LEP: variants seen among roughly 807,000 people sequenced by gnomAD.
LEP encodes the protein leptin.
A neutral mutation model predicts 9.8 loss-of-function variants in LEP; 6 were observed. The observed-to-expected ratio is 0.61, with a 90% CI of 0.34 to 1.21. The LOEUF is 1.21. Ranked by LOEUF, LEP falls within the 50% of genes most tolerant of loss-of-function variation. The probability of loss-of-function intolerance (pLI) is 0.04; values close to 1 mark genes in which losing one functional copy is unlikely to be tolerated. For missense variants in LEP, 134 were observed against 198.1 expected (o/e 0.68, Z 1.94); for synonymous variants, 112 against 81.7 (o/e 1.37, Z -2.00).
At chr7:128,242,265 A>G (rs951023513) in intron 1 of LEP, among the ~76,000 whole-genome samples, 16 of 152,190 alleles carry the variant, frequency 1.1e-4, no homozygotes, top group Non-Finnish European at 2.2e-4. Context: ...AGGTGGGTGA[A>G]GAGCAGAGAC....
chr7:128,245,324 G>A (rs1306927084), intron 1 of LEP, among the ~76,000 whole-genome samples: 1 of 152,084 alleles, frequency 6.6e-6, no homozygotes, highest in Non-Finnish European at 1.5e-5. Flanking sequence ...CCCATCCCCG[G>A]AGTCCCTCTT....
chr7:128,241,971 G>T (rs1156662487), intron 1 of LEP, among the ~76,000 whole-genome samples: 2 of 152,330 alleles, frequency 1.3e-5, no homozygotes, highest in Non-Finnish European at 2.9e-5. Context: ...GTCTCTGGGG[G>T]TCAGAACTGG....
At chr7:128,248,821 C>T (rs763061532) in intron 1 of LEP, among the ~76,000 whole-genome samples, 1 of 152,180 alleles carries the variant, frequency 6.6e-6, no homozygotes, top group South Asian at 2.1e-4. Flanking sequence ...TTCCACTTTC[C>T]TGTGTTTCCA....
At chr7:128,243,015 C>T (rs1259964666) in intron 1 of LEP, among the ~76,000 whole-genome samples, 2 of 152,186 alleles carry the variant, frequency 1.3e-5, no homozygotes, top group African/African-American at 4.8e-5. Flanking sequence ...TTACCCCATC[C>T]CCACCGGGGT....
chr7:128,245,100 G>A (rs1395153267), intron 1 of LEP, among the ~76,000 whole-genome samples: 1 of 152,078 alleles, frequency 6.6e-6, no homozygotes, highest in Non-Finnish European at 1.5e-5. Context: ...AGATCTCCCA[G>A]GAGGTCCCTA....
rs114650087 is a variant in LEP, at chr7:128,253,061, C to T, written c.144+899C>T. ...CTGTCCCCTCTGTCCCCACCTTCTG[C>T]GCTCGCCTTCCTCCCTGACTTCACT... On this transcript the variant is annotated intron_variant, in intron 2 of 2. Transcript: ENST00000308868. Among the ~76,000 whole-genome samples the T allele has an allele frequency of 1.7e-3, 259 of 152,240 alleles. 1 individual carries two copies. Among genetic ancestry groups the T allele is most frequent in the African/African-American group, 5.0e-3 (207 of 41,542 alleles).
intron 1 of LEP, among the ~76,000 whole-genome samples, chr7:128,249,596 A>AG (rs1390816945): frequency 6.6e-6 from 1 of 152,242 alleles, no homozygotes; most frequent in African/African-American, 2.4e-5. Flanking sequence ...TATTTATTCT[A>AG]GATGGCCATA....
At chr7:128,253,844 C>A (rs1795303458) in intron 2 of LEP, among the ~76,000 whole-genome samples, 1 of 152,218 alleles carries the variant, frequency 6.6e-6, no homozygotes. Flanking sequence ...ATCACGGGAG[C>A]CCCGGGTAGT....
chr7:128,248,028 C>G (rs1042162956), intron 1 of LEP, among the ~76,000 whole-genome samples: 4 of 152,194 alleles, frequency 2.6e-5, no homozygotes, highest in Non-Finnish European at 5.9e-5. Context: ...TGCGGTGGCT[C>G]ACGCCTGTAA....
chr7:128,250,316 TG>T (rs1483698971), intron 1 of LEP, among the ~76,000 whole-genome samples: 1 of 152,242 alleles, frequency 6.6e-6, no homozygotes, highest in East Asian at 1.9e-4. Flanking sequence ...CCAAATTACT[TG>T]GTACATAGTA....
chr7:128,252,034 C>T lies in LEP; in HGVS notation c.16C>T (p.Leu6=). The change falls in exon 2 of 3, where the codon CTG becomes TTG. Residue 6 remains leucine, a synonymous_variant. Coordinates refer to ENST00000308868, the MANE Select transcript of LEP (RefSeq NM_000230.3). ...GGGAAGGAAAATGCATTGGGGAACCCTGTGCGGATTCTTGTGGCTTTGGCC... is the reference window on the plus strand; with the variant it reads ...GGGAAGGAAAATGCATTGGGGAACCTTGTGCGGATTCTTGTGGCTTTGGCC... MHWGT[L]CGFLWLWPYL... The T allele has an allele frequency of 6.2e-7, 1 of 1,614,208 alleles. No individual in the cohort carries two copies. Among genetic ancestry groups the T allele is most frequent in the East Asian group, 2.2e-5 (1 of 44,894 alleles).
rs961309735 is a variant in LEP at position 128,256,918 on chromosome 7, A to C, written c.*2155A>C. 1 of 152,280 alleles carries C rather than the reference A, an allele frequency of 6.6e-6. No individual in the cohort carries two copies. The highest frequency in any genetic ancestry group is 1.5e-5 in the Non-Finnish European group (1 of 68,076). 9.4% of individuals were successfully genotyped at this position (152,280 alleles called of 1,614,324 possible). ...AGGGATGTGAATTGCCTGCAGAGAG[A>C]AGCCTGTTTTGTTGGAAGGTTTGGT... On this transcript the variant is annotated 3_prime_UTR_variant, in exon 3 of 3. Transcript: ENST00000308868.
chr7:128,243,030 G>A (rs1795170133), intron 1 of LEP, among the ~76,000 whole-genome samples: 1 of 152,216 alleles, frequency 6.6e-6, no homozygotes, highest in Non-Finnish European at 1.5e-5. Context: ...CGGGGTAGGA[G>A]TCTGGCAGCC....
At chr7:128,242,249 T>C (rs1238312113) in intron 1 of LEP, among the ~76,000 whole-genome samples, 1 of 152,140 alleles carries the variant, frequency 6.6e-6, no homozygotes, top group African/African-American at 2.4e-5. Flanking sequence ...AGGGTGATCT[T>C]TGGGGAGGTG....
In LEP at chr7:128,254,403, G is replaced by T; in HGVS notation, c.145-1G>T. On this transcript the variant is annotated splice_acceptor_variant, in intron 2 of 2. Transcript: ENST00000308868. LOFTEE classifies it high-confidence loss of function. ...TTGTTCTCCCTCTTCCTCCTGCATA[G>T]CAGTCAGTCTCCTCCAAACAGAAAG... is the stretch of plus-strand genomic sequence containing the variant. The T allele has an allele frequency of 6.2e-7, 1 of 1,612,864 alleles. No homozygotes were observed. The highest frequency in any genetic ancestry group is 8.5e-7 in the Non-Finnish European group (1 of 1,180,022).
At chr7:128,242,340 C>A (rs572010306) in intron 1 of LEP, among the ~76,000 whole-genome samples, 1 of 152,140 alleles carries the variant, frequency 6.6e-6, no homozygotes, top group African/African-American at 2.4e-5. Flanking sequence ...CTCTGGCAGC[C>A]GGAGTTGTGT....
chr7:128,246,345 G>C (rs1795210861), intron 1 of LEP, among the ~76,000 whole-genome samples: 1 of 152,180 alleles, frequency 6.6e-6, no homozygotes, highest in Non-Finnish European at 1.5e-5. Context: ...CAGTGAGGCT[G>C]GTGCAGAGGA....
At chr7:128,250,702 AT>A (rs1224208353) in intron 1 of LEP, among the ~76,000 whole-genome samples, 1 of 152,204 alleles carries the variant, frequency 6.6e-6, no homozygotes, top group Non-Finnish European at 1.5e-5. Flanking sequence ...TAATATTGCC[AT>A]CTATGGACAG....
intron 1 of LEP, among the ~76,000 whole-genome samples, chr7:128,249,320 C>T (rs1489892168): frequency 1.3e-5 from 2 of 152,380 alleles, no homozygotes; most frequent in African/African-American, 4.8e-5. Flanking sequence ...ATCTCAGCTC[C>T]ATCAACCTCA....
Sources: allele counts gnomAD v4.1 joint callset (sites outside exome capture counted in the v4.1 genomes callset), GRCh38; gene constraint gnomAD v4.1.1; transcripts MANE v1.5; gene names NCBI Gene and HGNC (gene_info 2026-07-23, HGNC 2026-07-21).